The following CLPX variants were observed in gnomAD, a reference collection of about 807,000 sequenced individuals.
The protein encoded by CLPX is ATP-dependent clpX-like chaperone, mitochondrial.
In CLPX, 34 loss-of-function variants were observed where a neutral mutation model predicts 76.4. The observed-to-expected ratio is 0.45, with a 90% CI of 0.34 to 0.59. The LOEUF (loss-of-function observed/expected upper bound fraction) is 0.59, where lower values mean the gene tolerates loss of function less well. Ranked by LOEUF, CLPX falls within the 20% of genes least tolerant of loss-of-function variation. The probability of loss-of-function intolerance (pLI) is 0.01; values close to 1 mark genes in which losing one functional copy is unlikely to be tolerated. For missense variants in CLPX, 613 were observed against 757.0 expected, an observed-to-expected ratio of 0.81 and a Z score of 2.23; for synonymous variants, 248 against 270.9, an observed-to-expected ratio of 0.92 and a Z score of 0.83.
chr15:65,184,527 T>A (rs1199960658), intron 1 of CLPX: 1 of 153,300 alleles, frequency 6.5e-6, no homozygotes, highest in Admixed American at 6.5e-5. Context: ...TATGTCCCAG[T>A]GTCAGGGCCG....
chr15:65,151,369 T>C (rs914683371), intron 13 of CLPX, among the ~76,000 whole-genome samples: 3 of 124,986 alleles, frequency 2.4e-5, no homozygotes, highest in Admixed American at 8.3e-5. Flanking sequence ...AAAAAAAAGA[T>C]TGCTTAGTAA....
chr15:65,184,991 T>A, intron 1 of CLPX, 84 bp downstream of exon 1: 1 of 1,185,852 alleles, frequency 8.4e-7, no homozygotes, highest in South Asian at 1.3e-5. Context: ...GCAGGCCTCG[T>A]GCCCTCCCCG....
chr15:65,160,619 TCTCTCACACA>T (rs1325090215), intron 6 of CLPX, among the ~76,000 whole-genome samples: 7 of 132,650 alleles, frequency 5.3e-5, no homozygotes, highest in East Asian at 2.2e-4. Flanking sequence ...TCTCTCTCTC[TCTCTCACACA>T]CACACACACA....
At chr15:65,184,801 A>G (rs1483904874) in intron 1 of CLPX, among the ~76,000 whole-genome samples, 3 of 152,284 alleles carry the variant, frequency 2.0e-5, no homozygotes, top group African/African-American at 7.2e-5. Context: ...GTTTCTACAA[A>G]GTGGCCGCAT....
At chr15:65,179,806 ACTT>A (rs2088139686) in intron 2 of CLPX, among the ~76,000 whole-genome samples, 1 of 152,230 alleles carries the variant, frequency 6.6e-6, no homozygotes. Flanking sequence ...ATTTAATGAC[ACTT>A]CTTTACTACT....
At chr15:65,181,081 C>T (rs906491402) in intron 1 of CLPX, among the ~76,000 whole-genome samples, 4 of 151,742 alleles carry the variant, frequency 2.6e-5, no homozygotes, top group African/African-American at 9.7e-5. Flanking sequence ...CGTCTGTAAT[C>T]CCAGCTACTC....
chr15:65,180,087 G>A lies in CLPX; in HGVS notation c.197C>T (p.Ser66Leu), dbSNP rs750127406. The A allele has an allele frequency of 2.5e-6, 4 of 1,609,278 alleles. No individual in the cohort carries two copies. In the African/African-American group the frequency reaches 4.0e-5, roughly 16 times the overall value. Residue 66 changes from serine to leucine, a missense_variant, in exon 2 of 14, where the codon TCA becomes TTA. Coordinates refer to ENST00000300107, the MANE Select transcript of CLPX (RefSeq NM_006660.5). ...ACCATCTTTACTTATCCCATCTTTT[G>A]AGGCAAAGTATGCTGGTGTTTCTGT... is the stretch of plus-strand genomic sequence containing the variant. ...SFTETPAYFASKDGISKDGSG... is the reference protein window; with the variant it reads ...SFTETPAYFALKDGISKDGSG...
At chr15:65,178,912 C>G in intron 3 of CLPX, 22 bp downstream of exon 3, 1 of 1,254,284 alleles carries the variant, frequency 8.0e-7, no homozygotes, top group East Asian at 2.4e-5. Flanking sequence ...GAAAAAAGAA[C>G]AGTAGAAGAT....
chr15:65,173,831 T>C (rs754299799), intron 3 of CLPX, among the ~76,000 whole-genome samples: 1 of 152,040 alleles, frequency 6.6e-6, no homozygotes, highest in South Asian at 2.1e-4. Flanking sequence ...GACAAACCCA[T>C]TGATAGAGAA....
chr15:65,182,810 A>AT (rs1056534308), intron 1 of CLPX, among the ~76,000 whole-genome samples: 2 of 152,230 alleles, frequency 1.3e-5, no homozygotes, highest in Non-Finnish European at 2.9e-5. Flanking sequence ...AAGTTTCACT[A>AT]TTTACAGAAC....
rs1027994957 is a variant in CLPX at position 65,148,627 on chromosome 15, A to G, written c.*2196T>C. 1 of 152,148 alleles carries G rather than the reference A, an allele frequency of 6.6e-6. No individual in the cohort carries two copies. The highest frequency in any genetic ancestry group is 2.4e-5 in the African/African-American group (1 of 41,436). The allele number at this position is 152,148 out of a possible 1,614,324, so 9.4% of individuals were successfully genotyped here. On this transcript the variant is annotated 3_prime_UTR_variant, in exon 14 of 14. Transcript: ENST00000300107. ...ATACCATACATCCCTTTTATTAATT[A>G]TATCAAAGAAAGCCCAACTCTTCAT... is the stretch of plus-strand genomic sequence containing the variant.
rs761242378 is a variant in CLPX at position 65,164,171 on chromosome 15, G to C, written c.531C>G (p.Asp177Glu). Residue 177 changes from aspartate to glutamate, a missense_variant, in exon 5 of 14, where the codon GAC (aspartate) becomes GAG (glutamate). Transcript: ENST00000300107. ...PPPKKIYNYL[D>E]KYVVGQSFAK... is the part of the protein sequence containing the mutation. The stretch of plus-strand genomic sequence containing the variant: ...CAAATGACTGGCCAACAACATACTT[G>C]TCGAGGTAGTTATAAATCTGAAAAA... 2.9e-5 allele frequency: 47 copies of C among 1,608,824 alleles called. No individual in the cohort carries two copies. Among genetic ancestry groups the C allele is most frequent in the Middle Eastern group, 3.4e-4 (2 of 5,844 alleles).
intron 3 of CLPX, among the ~76,000 whole-genome samples, chr15:65,172,282 A>G (rs979391069): frequency 1.3e-5 from 2 of 152,180 alleles, no homozygotes; most frequent in Non-Finnish European, 2.9e-5. Flanking sequence ...TTACTCCAAA[A>G]ACAAGGGGCA....
At chr15:65,163,726 A>T (rs2087878239) in intron 5 of CLPX, among the ~76,000 whole-genome samples, 1 of 152,042 alleles carries the variant, frequency 6.6e-6, no homozygotes, top group Non-Finnish European at 1.5e-5. Context: ...ACCTCAAGTG[A>T]TCCCCCCGCC....
Position 65,155,076 on chromosome 15 carries a change from A to C in CLPX, c.1317T>G (p.Leu439=), listed in dbSNP as rs1268760159. The change falls in exon 11 of 14, where the codon CTT becomes CTG. Residue 439 remains leucine (L), a synonymous_variant. Transcript: ENST00000300107. ...IISRRKNEKY[L]GFGTPSNLGK... is the part of the protein sequence containing the mutation. ...CCAGATTAGATGGTGTTCCAAATCC[A>C]AGATACTGCCAAAGAAATGATGCAT... 5.6e-6 allele frequency: 9 copies of C among 1,611,332 alleles called. No homozygotes were observed. The highest frequency in any genetic ancestry group is 2.7e-5 in the African/African-American group (2 of 74,870).
Position 65,164,014 on chromosome 15 carries a change from TATCAAAAACG to T in CLPX, c.673+5_673+14del. 1 of 1,609,688 alleles carries T rather than the reference TATCAAAAACG, an allele frequency of 6.2e-7. No homozygotes were observed. The highest frequency in any genetic ancestry group is 1.3e-5 in the African/African-American group (1 of 74,912). ...CATAGCAATCTCTATTTAGGTCAAT[TATCAAAAACG>T]CTACCTCTTGGTGTTAATGATGTCT... On this transcript the variant is annotated splice_donor_5th_base_variant and intron_variant, in intron 5 of 13. Transcript: ENST00000300107.
At chr15:65,158,210 TAG>T in intron 7 of CLPX, 1 of 307,336 alleles carries the variant, frequency 3.3e-6, no homozygotes, top group East Asian at 6.6e-5. Context: ...TTTATAGAGA[TAG>T]AGTCTTGCTC....
chr15:65,158,009 A>T (rs972324068), intron 7 of CLPX, 99 bp from the exon 8 acceptor site: 1 of 991,604 alleles, frequency 1.0e-6, no homozygotes, highest in African/African-American at 1.7e-5. Flanking sequence ...TATAATAAAA[A>T]GTTGTCAATT....
chr15:65,174,809 T>C (rs2088066210), intron 3 of CLPX, among the ~76,000 whole-genome samples: 1 of 152,190 alleles, frequency 6.6e-6, no homozygotes, highest in South Asian at 2.1e-4. Flanking sequence ...GGCCATTATG[T>C]GTTTGGTTGA....
Sources: allele counts gnomAD v4.1 joint callset (sites outside exome capture counted in the v4.1 genomes callset), GRCh38; gene constraint gnomAD v4.1.1; transcripts MANE v1.5; gene names NCBI Gene and HGNC (gene_info 2026-07-23, HGNC 2026-07-21).